DGKB: variants seen among roughly 807,000 people sequenced by gnomAD.
The protein encoded by DGKB is diacylglycerol kinase beta.
DGKB carries 67 observed loss-of-function variants against 114.3 expected under a neutral mutation model. That is an observed-to-expected ratio of 0.59 (90% CI 0.48 to 0.72). DGKB has a LOEUF of 0.72. DGKB is among the 30% of genes least tolerant of loss of function. DGKB has a pLI of 0.00. For missense variants in DGKB, 907 were observed against 975.2 expected (o/e 0.93, Z 0.93); for synonymous variants, 398 against 323.1 (o/e 1.23, Z -2.49).
chr7:14,473,719 G>C (rs1197864876), intron 21 of DGKB, among the ~76,000 whole-genome samples: 1 of 152,224 alleles, frequency 6.6e-6, no homozygotes, highest in Non-Finnish European at 1.5e-5. Context: ...CAAGGTCATG[G>C]AAGCCTACTT....
chr7:14,701,859 AATTTGTGGGATT>A (rs1563956867), intron 6 of DGKB, 129 bp from the exon 7 acceptor site: 3 of 625,232 alleles, frequency 4.8e-6, no homozygotes, highest in Non-Finnish European at 8.6e-6. Context: ...CCAAACAATT[AATTTGTGGGATT>A]ATTTCTCAAA....
intron 1 of DGKB, among the ~76,000 whole-genome samples, chr7:14,888,039 T>A (rs913719301): frequency 4.0e-5 from 6 of 151,606 alleles, no homozygotes; most frequent in Admixed American, 6.6e-5. Flanking sequence ...GTAGAAATAA[T>A]ATCAGGGTAG....
At chr7:14,164,741 A>G (rs1784388950) in intron 25 of DGKB, among the ~76,000 whole-genome samples, 1 of 152,176 alleles carries the variant, frequency 6.6e-6, no homozygotes, top group Non-Finnish European at 1.5e-5. Flanking sequence ...GTAGAATAAC[A>G]TGGGTTTAAC....
At chr7:14,263,400 G>A (rs38278) in intron 23 of DGKB, among the ~76,000 whole-genome samples, 85,073 of 151,936 alleles carry the variant, frequency 0.56, 26,348 homozygotes, top group East Asian at 0.99. Context: ...ATCTCCCTAA[G>A]CTCATCTATT....
Position 14,770,678 on chromosome 7 carries a change from G to A in DGKB, c.71-12947C>T, listed in dbSNP as rs540099484. ...ATCATTCTAGGATTGGTGATTGTGA[G>A]ACAATATCCAAGAGATCTTTATGCC... On this transcript the variant is annotated intron_variant, in intron 2 of 25. Transcript: ENST00000402815. Among the ~76,000 whole-genome samples the A allele has an allele frequency of 1.8e-4, 27 of 152,196 alleles. No individual in the cohort carries two copies. In the South Asian group the frequency reaches 5.0e-3, roughly 28 times the overall value.
chr7:14,761,742 G>T (rs1282307214), intron 2 of DGKB, among the ~76,000 whole-genome samples: 1 of 152,182 alleles, frequency 6.6e-6, no homozygotes, highest in African/African-American at 2.4e-5. Context: ...AGCCAGCCAG[G>T]CAGGCAGCTG....
At chr7:14,896,986 T>C (rs1325263902) in intron 1 of DGKB, among the ~76,000 whole-genome samples, 1 of 151,836 alleles carries the variant, frequency 6.6e-6, no homozygotes, top group African/African-American at 2.4e-5. Context: ...ATGGCCCAGC[T>C]GCCTCACTGG....
intron 21 of DGKB, among the ~76,000 whole-genome samples, chr7:14,407,031 T>G (rs1824049264): frequency 6.6e-6 from 1 of 152,002 alleles, no homozygotes; most frequent in Non-Finnish European, 1.5e-5. Context: ...ATCAAGTACA[T>G]GAGGTCTATA....
At chr7:14,857,233 C>T (rs1397953040) in intron 1 of DGKB, among the ~76,000 whole-genome samples, 1 of 80,316 alleles carries the variant, frequency 1.2e-5, no homozygotes, top group Non-Finnish European at 2.2e-5. Flanking sequence ...TCTCTCTCTT[C>T]CACCCAACCC....
intron 20 of DGKB, among the ~76,000 whole-genome samples, chr7:14,506,551 G>C (rs1787100243): frequency 6.6e-6 from 1 of 152,110 alleles, no homozygotes; most frequent in South Asian, 2.1e-4. Flanking sequence ...GATTTGATAA[G>C]CAAAATAAGA....
At chr7:14,862,182 C>T (rs1036469369) in intron 1 of DGKB, among the ~76,000 whole-genome samples, 15 of 151,960 alleles carry the variant, frequency 9.9e-5, no homozygotes, top group Admixed American at 8.5e-4. Context: ...ATTGTGTATA[C>T]TCAAGGCATA....
chr7:14,950,068 T>A (rs1285550346), intron 1 of DGKB, among the ~76,000 whole-genome samples: 1 of 151,674 alleles, frequency 6.6e-6, no homozygotes, highest in African/African-American at 2.4e-5. Context: ...AACCTGCACA[T>A]TGTGCACATG....
chr7:14,630,351 T>A, intron 13 of DGKB, 83 bp from the exon 14 acceptor site: 1 of 946,928 alleles, frequency 1.1e-6, no homozygotes, highest in Non-Finnish European at 1.5e-6. Flanking sequence ...TATCATTACA[T>A]GCCTGTGAAA....
intron 13 of DGKB, among the ~76,000 whole-genome samples, chr7:14,641,778 C>G (rs570388300): frequency 6.6e-6 from 1 of 151,570 alleles, no homozygotes; most frequent in Non-Finnish European, 1.5e-5. Flanking sequence ...ATTTTTAAGA[C>G]TTTTTGTTAG....
At chr7:14,320,062 A>G (rs544088366) in intron 23 of DGKB, among the ~76,000 whole-genome samples, 4 of 152,308 alleles carry the variant, frequency 2.6e-5, no homozygotes, top group African/African-American at 9.6e-5. Context: ...TTTTAGAAGC[A>G]CACTAACAAA....
At chr7:14,499,098 G>T (rs947495574) in intron 20 of DGKB, among the ~76,000 whole-genome samples, 1 of 151,616 alleles carries the variant, frequency 6.6e-6, no homozygotes, top group Non-Finnish European at 1.5e-5. Context: ...ATAACTCTGT[G>T]GTTCGGTTTT....
At chr7:14,641,599 C>G (rs1213879924) in intron 13 of DGKB, among the ~76,000 whole-genome samples, 1 of 151,694 alleles carries the variant, frequency 6.6e-6, no homozygotes, top group Non-Finnish European at 1.5e-5. Context: ...TTTATTTTCA[C>G]GTGGTTATAC....
At chr7:14,920,328 T>C (rs1784451926) in intron 1 of DGKB, among the ~76,000 whole-genome samples, 1 of 151,886 alleles carries the variant, frequency 6.6e-6, no homozygotes, top group Non-Finnish European at 1.5e-5. Flanking sequence ...AATTTAAAAA[T>C]GGGAAAAATA....
At chr7:14,727,690 CTAT>C (rs1390456813) in intron 5 of DGKB, among the ~76,000 whole-genome samples, 2 of 152,100 alleles carry the variant, frequency 1.3e-5, no homozygotes, top group Non-Finnish European at 2.9e-5. Flanking sequence ...GTCACACAAG[CTAT>C]GTAGTCTGTT....
Sources: allele counts gnomAD v4.1 joint callset (sites outside exome capture counted in the v4.1 genomes callset), GRCh38; gene constraint gnomAD v4.1.1; transcripts MANE v1.5; gene names NCBI Gene and HGNC (gene_info 2026-07-23, HGNC 2026-07-21).